Variants in MAP3K15 observed in about 807,000 individuals in gnomAD.
MAP3K15 encodes the protein MAPK/ERK kinase kinase 15.
A neutral mutation model predicts 99.5 loss-of-function variants in MAP3K15; 124 were observed. The ratio of observed to expected loss-of-function variants is 1.25; its 90% confidence interval spans 1.08 to 1.45. The LOEUF is 1.45. MAP3K15 is among the 40% of genes most tolerant of loss of function. The pLI, the probability that MAP3K15 is intolerant of heterozygous loss-of-function variation, is 0.00. For missense variants in MAP3K15, 1,242 were observed against 1,079.7 expected (o/e 1.15, Z -2.11); for synonymous variants, 494 against 439.6 (o/e 1.12, Z -1.55).
intron 6 of MAP3K15, among the ~76,000 whole-genome samples, chrX:19,443,325 G>C (rs746381836): frequency 5.4e-5 from 6 of 111,261 alleles, no homozygotes; most frequent in Non-Finnish European, 9.4e-5. Flanking sequence ...GAGCCACTGC[G>C]CCCAACCCCA....
At chrX:19,457,810 T>C (rs2064104663) in intron 5 of MAP3K15, among the ~76,000 whole-genome samples, 1 of 111,425 alleles carries the variant, frequency 9.0e-6, no homozygotes, top group Non-Finnish European at 1.9e-5. Flanking sequence ...CATAATTCTC[T>C]GTTGTGGGAG....
chrX:19,398,295 A>G lies in MAP3K15; in HGVS notation c.1997T>C (p.Val666Ala). Residue 666 changes from valine to alanine, a missense_variant, in exon 15 of 29, where the codon GTG (valine) becomes GCG (alanine). Val to Ala is a moderately conservative substitution (Grantham distance 64, BLOSUM62 0). Coordinates refer to ENST00000338883, the MANE Select transcript of MAP3K15 (RefSeq NM_001001671.4). Reference sequence around the variant, plus strand: ...ATTGCTCAGATCTCGGCCAGCATACACAATCCCATACGTGCCTTTCCCCAA... The same window carrying G: ...ATTGCTCAGATCTCGGCCAGCATACGCAATCCCATACGTGCCTTTCCCCAA... ...VVLGKGTYGI[V>A]YAGRDLSNQV... 2.5e-6 allele frequency: 3 copies of G among 1,210,809 alleles called. No homozygotes were observed. The highest frequency in any genetic ancestry group is 3.4e-6 in the Non-Finnish European group (3 of 895,060).
At chrX:19,511,108 G>T (rs1470211689) in intron 1 of MAP3K15, among the ~76,000 whole-genome samples, 3 of 111,850 alleles carry the variant, frequency 2.7e-5, no homozygotes, top group African/African-American at 9.7e-5. Context: ...GGGAAAACTG[G>T]CTAGCCATAT....
intron 19 of MAP3K15, chrX:19,376,822 TAG>T (rs1404809786): frequency 1.8e-5 from 2 of 109,638 alleles, no homozygotes; most frequent in African/African-American, 6.7e-5. Flanking sequence ...GACAACCAGT[TAG>T]AGATTTCTTT....
At chrX:19,369,854 G>C (rs189562614) in intron 24 of MAP3K15, among the ~76,000 whole-genome samples, 191 of 110,351 alleles carry the variant, frequency 1.7e-3, no homozygotes, top group Non-Finnish European at 2.3e-3. Context: ...AGGTTGCAGT[G>C]AGGCGAGATC....
rs746136934 is a variant in MAP3K15, at chrX:19,388,606, C to T, written c.2431+3396G>A. Among the ~76,000 whole-genome samples the T allele has an allele frequency of 3.6e-5, 4 of 112,193 alleles. No homozygotes were observed. In the South Asian group the frequency reaches 1.1e-3, roughly 32 times the overall value. ...CTTCATCAGTAACTCACTTTACCCTCATAAAAACCCTATGAGTAGGTACAA... is the reference window on the plus strand; with the variant it reads ...CTTCATCAGTAACTCACTTTACCCTTATAAAAACCCTATGAGTAGGTACAA... On this transcript the variant is annotated intron_variant, in intron 18 of 28. Coordinates refer to ENST00000338883, the MANE Select transcript of MAP3K15 (RefSeq NM_001001671.4).
intron 19 of MAP3K15, 99 bp from the exon 20 acceptor site, chrX:19,374,759 G>A (rs2063405704): frequency 2.5e-6 from 2 of 785,653 alleles, no homozygotes; most frequent in Non-Finnish European, 3.7e-6. Context: ...TGACATCCCA[G>A]GACAGGCATA....
chrX:19,392,746 C>T (rs2063536494), intron 16 of MAP3K15, among the ~76,000 whole-genome samples: 1 of 111,554 alleles, frequency 9.0e-6, no homozygotes, highest in Admixed American at 9.6e-5. Context: ...GGGTTTAGCT[C>T]TGTTCAGCTA....
At chrX:19,462,886 TCC>T (rs1388507444) in intron 4 of MAP3K15, among the ~76,000 whole-genome samples, 2 of 112,337 alleles carry the variant, frequency 1.8e-5, no homozygotes, top group African/African-American at 6.5e-5. Flanking sequence ...GAGGGTGGAA[TCC>T]ACCAATAGGT....
chrX:19,416,398 G>C (rs960924492), intron 9 of MAP3K15, among the ~76,000 whole-genome samples: 2 of 110,816 alleles, frequency 1.8e-5, no homozygotes, highest in African/African-American at 6.6e-5. Context: ...TGAGAAGTTC[G>C]TCTCTCCAGT....
At chrX:19,365,674 G>A (rs1274668763) in intron 25 of MAP3K15, among the ~76,000 whole-genome samples, 3 of 111,620 alleles carry the variant, frequency 2.7e-5, no homozygotes, top group Non-Finnish European at 5.6e-5. Context: ...TATGATCCAT[G>A]CTGGTGAACT....
intron 3 of MAP3K15, among the ~76,000 whole-genome samples, chrX:19,477,293 G>T (rs1300689572): frequency 9.0e-6 from 1 of 111,469 alleles, no homozygotes; most frequent in African/African-American, 3.3e-5. Context: ...TCCAATTGAA[G>T]AGAACACACA....
intron 3 of MAP3K15, among the ~76,000 whole-genome samples, chrX:19,467,123 A>G (rs989477488): frequency 9.0e-6 from 1 of 111,688 alleles, no homozygotes; most frequent in Non-Finnish European, 1.9e-5. Flanking sequence ...TAAAGTCTCT[A>G]TAAGTTGTCC....
At chrX:19,446,125 A>T (rs12014053) in intron 6 of MAP3K15, among the ~76,000 whole-genome samples, 5,585 of 111,508 alleles carry the variant, frequency 0.05, 358 homozygotes, top group African/African-American at 0.17. Flanking sequence ...CGTTCTAACA[A>T]AATCTTTTAT....
chrX:19,512,739 G>A (rs1041074554), intron 1 of MAP3K15, among the ~76,000 whole-genome samples: 1 of 106,792 alleles, frequency 9.4e-6, no homozygotes, highest in Non-Finnish European at 1.9e-5. Flanking sequence ...GATTACAGGC[G>A]TGAGCCACTG....
At position 19,360,202 on chromosome X, in the gene MAP3K15, A is replaced by G. The variant is rs187525386; in HGVS notation, c.*547T>C. 1.4e-3 allele frequency: 186 copies of G among 136,861 alleles called. 1 individual carries two copies. Among genetic ancestry groups the G allele is most frequent in the Non-Finnish European group, 2.5e-3 (171 of 68,859 alleles). 11.3% of individuals were successfully genotyped at this position (136,861 alleles called of 1,213,427 possible). On this transcript the variant is annotated 3_prime_UTR_variant, in exon 29 of 29. Coordinates refer to ENST00000338883, the MANE Select transcript of MAP3K15 (RefSeq NM_001001671.4). ...ACACATTCAGTATAAATATGAAGCT[A>G]TTTTCTGTTCATATCAAACATTAAC...
intron 6 of MAP3K15, among the ~76,000 whole-genome samples, chrX:19,453,488 A>G: frequency 9.7e-6 from 1 of 103,368 alleles, no homozygotes; most frequent in African/African-American, 3.6e-5. Flanking sequence ...CGACAGAGTG[A>G]GCGTCTCAGG....
chrX:19,360,185 AG>A lies in MAP3K15; in HGVS notation c.*563del, dbSNP rs1378136436. On this transcript the variant is annotated 3_prime_UTR_variant, in exon 29 of 29. Coordinates refer to ENST00000338883, the MANE Select transcript of MAP3K15 (RefSeq NM_001001671.4). ...CTTAGTTTTCTCTACTTACACATTC[AG>A]TATAAATATGAAGCTATTTTCTGTT... 7.0e-6 allele frequency: 1 copy of A among 142,429 alleles called. No homozygotes were observed. The highest frequency in any genetic ancestry group is 1.4e-5 in the Non-Finnish European group (1 of 72,570). 11.7% of individuals were successfully genotyped at this position (142,429 alleles called of 1,213,427 possible). A position where few individuals can be genotyped will look rare whatever the true frequency, so the allele number is the denominator to read the frequency against.
chrX:19,455,937 C>T lies in MAP3K15; in HGVS notation c.995+976G>A, dbSNP rs143357190. 8.1e-5 allele frequency among the ~76,000 whole-genome samples: 9 copies of T among 110,940 alleles called. No individual in the cohort carries two copies. In the East Asian group the frequency reaches 2.6e-3, roughly 32 times the overall value. ...TAAATATAAATAAGAATGGAGCTTA[C>T]TATGTCGGGGGAACAAAGTTACAAG... On this transcript the variant is annotated intron_variant, in intron 6 of 28. Transcript: ENST00000338883.
Sources: allele counts gnomAD v4.1 joint callset (sites outside exome capture counted in the v4.1 genomes callset), GRCh38; gene constraint gnomAD v4.1.1; transcripts MANE v1.5; gene names NCBI Gene and HGNC (gene_info 2026-07-23, HGNC 2026-07-21).